The following GALNT10 variants were observed in gnomAD, a reference collection of about 807,000 sequenced individuals.
GALNT10 encodes GalNAc transferase 10.
Under a neutral mutation model 75.0 loss-of-function variants are expected in GALNT10, and 41 were observed. The observed-to-expected ratio is 0.55, with a 90% CI of 0.43 to 0.71. The LOEUF (loss-of-function observed/expected upper bound fraction) is 0.71, where lower values mean the gene tolerates loss of function less well. Ranked by LOEUF, GALNT10 falls within the 30% of genes least tolerant of loss-of-function variation. The pLI, the probability that GALNT10 is intolerant of heterozygous loss-of-function variation, is 0.00. For missense variants in GALNT10, 727 were observed against 818.5 expected (o/e 0.89, Z 1.36); for synonymous variants, 302 against 313.0 (o/e 0.96, Z 0.37).
At chr5:154,334,823 A>G (rs1304135626) in intron 4 of GALNT10, among the ~76,000 whole-genome samples, 1 of 152,230 alleles carries the variant, frequency 6.6e-6, no homozygotes, top group Non-Finnish European at 1.5e-5. Flanking sequence ...GAAGGAGTAT[A>G]GACAATGCTG....
At chr5:154,253,922 T>A (rs3863197) in intron 1 of GALNT10, among the ~76,000 whole-genome samples, 61,838 of 151,968 alleles carry the variant, frequency 0.41, 14,895 homozygotes, top group East Asian at 0.76. Flanking sequence ...CTTTAAGAGT[T>A]CATAGGAGTG....
At chr5:154,283,410 A>G (rs887468927) in intron 1 of GALNT10, among the ~76,000 whole-genome samples, 2 of 151,852 alleles carry the variant, frequency 1.3e-5, no homozygotes, top group Non-Finnish European at 2.9e-5. Context: ...AGCTATCATC[A>G]TGCTACTGCA....
At chr5:154,335,670 G>A (rs1391583697) in intron 4 of GALNT10, among the ~76,000 whole-genome samples, 1 of 152,008 alleles carries the variant, frequency 6.6e-6, no homozygotes. Flanking sequence ...GAACAGTTTA[G>A]GTTCCCAACA....
intron 7 of GALNT10, chr5:154,386,959 G>C (rs570188682): frequency 1.8e-5 from 3 of 163,494 alleles, no homozygotes; most frequent in Non-Finnish European, 3.9e-5. Context: ...ATCTGACTTT[G>C]GGCAAGTTAG....
chr5:154,341,946 A>G (rs1049222628), intron 4 of GALNT10, among the ~76,000 whole-genome samples: 2 of 152,028 alleles, frequency 1.3e-5, no homozygotes, highest in Non-Finnish European at 1.5e-5. Context: ...TTCTCTTCTT[A>G]TGTAAACTAG....
intron 1 of GALNT10, among the ~76,000 whole-genome samples, chr5:154,270,652 A>G (rs1753847469): frequency 6.6e-6 from 1 of 152,024 alleles, no homozygotes; most frequent in Admixed American, 6.6e-5. Context: ...CTCCAGATGA[A>G]GAGACTGAGG....
At chr5:154,239,538 A>G (rs933053563) in intron 1 of GALNT10, among the ~76,000 whole-genome samples, 3 of 152,182 alleles carry the variant, frequency 2.0e-5, no homozygotes, top group African/African-American at 7.2e-5. Flanking sequence ...TCTAATAATA[A>G]ATGTAATGCA....
intron 1 of GALNT10, among the ~76,000 whole-genome samples, chr5:154,193,719 T>C (rs1207909856): frequency 6.6e-6 from 1 of 152,246 alleles, no homozygotes; most frequent in Non-Finnish European, 1.5e-5. Context: ...GAGTAACATA[T>C]CCACTACTTG....
At chr5:154,362,137 C>T (rs1032055545) in intron 4 of GALNT10, among the ~76,000 whole-genome samples, 2 of 152,226 alleles carry the variant, frequency 1.3e-5, no homozygotes, top group South Asian at 4.1e-4. Flanking sequence ...TCAAACTGGG[C>T]ACCCCAGCAG....
chr5:154,301,748 G>A (rs959348205), intron 3 of GALNT10, among the ~76,000 whole-genome samples: 3 of 152,006 alleles, frequency 2.0e-5, no homozygotes, highest in African/African-American at 7.2e-5. Flanking sequence ...TTTAAAATCT[G>A]GTACATTTTA....
In GALNT10 at chr5:154,203,271, A is replaced by G. The variant is rs1775055678; in HGVS notation, c.159+12246A>G. On this transcript the variant is annotated intron_variant, in intron 1 of 11. Transcript: ENST00000297107. The stretch of plus-strand genomic sequence containing the variant: ...CCTTCCACCTCCCCCCGCAACCCCC[A>G]TAGTCTCCGTGATGTGTGTCTCTCT... 2.0e-5 allele frequency among the ~76,000 whole-genome samples: 3 copies of G among 151,878 alleles called. No homozygotes were observed. The South Asian group carries it at 6.3e-4, about 32-fold the overall frequency.
chr5:154,335,135 T>A (rs1032307610), intron 4 of GALNT10, among the ~76,000 whole-genome samples: 2 of 152,246 alleles, frequency 1.3e-5, no homozygotes, highest in African/African-American at 2.4e-5. Context: ...TTGCTTGGGT[T>A]CTTTCGCCTT....
intron 3 of GALNT10, among the ~76,000 whole-genome samples, chr5:154,328,664 C>T (rs1460846389): frequency 1.3e-5 from 2 of 152,194 alleles, no homozygotes; most frequent in Non-Finnish European, 2.9e-5. Context: ...ACAAGATTAT[C>T]CCTCACCCCC....
intron 1 of GALNT10, among the ~76,000 whole-genome samples, chr5:154,201,245 G>C (rs1775024038): frequency 1.3e-5 from 2 of 152,038 alleles, no homozygotes; most frequent in Non-Finnish European, 2.9e-5. Flanking sequence ...TCCCAGTTCT[G>C]CCTCCACCAG....
At chr5:154,229,404 A>G (rs957744241) in intron 1 of GALNT10, among the ~76,000 whole-genome samples, 2 of 152,218 alleles carry the variant, frequency 1.3e-5, no homozygotes, top group African/African-American at 4.8e-5. Flanking sequence ...GATTATTTGT[A>G]TGACTATTGA....
intron 1 of GALNT10, among the ~76,000 whole-genome samples, chr5:154,287,130 A>G (rs1754123187): frequency 6.6e-6 from 1 of 152,198 alleles, no homozygotes; most frequent in African/African-American, 2.4e-5. Flanking sequence ...GGATTCTGAG[A>G]TTAATTGAAA....
chr5:154,400,843 G>A (rs1375120957), intron 7 of GALNT10, among the ~76,000 whole-genome samples: 2 of 152,128 alleles, frequency 1.3e-5, no homozygotes, highest in African/African-American at 4.8e-5. Context: ...GTGGAGGGCT[G>A]CACGGGGCTC....
intron 4 of GALNT10, chr5:154,356,364 T>G (rs1257342181): frequency 2.7e-6 from 1 of 367,982 alleles, no homozygotes; most frequent in African/African-American, 2.1e-5. Context: ...CAGGGTACTG[T>G]GAGGGCTGGG....
intron 1 of GALNT10, among the ~76,000 whole-genome samples, chr5:154,254,316 A>C (rs1337735236): frequency 2.0e-5 from 3 of 152,150 alleles, no homozygotes; most frequent in Non-Finnish European, 4.4e-5. Context: ...TGTTGCTTCT[A>C]TGGCCATCTT....
Sources: allele counts gnomAD v4.1 joint callset (sites outside exome capture counted in the v4.1 genomes callset), GRCh38; gene constraint gnomAD v4.1.1; transcripts MANE v1.5; gene names NCBI Gene and HGNC (gene_info 2026-07-23, HGNC 2026-07-21).